Variants in SYCP2L observed in about 807,000 individuals in gnomAD.
The protein encoded by SYCP2L is synaptonemal complex protein 2-like.
Under a neutral mutation model 125.8 loss-of-function variants are expected in SYCP2L, and 98 were observed. The ratio of observed to expected loss-of-function variants is 0.78; its 90% CI spans 0.66 to 0.92. SYCP2L has a LOEUF of 0.92. SYCP2L is among the 40% of genes least tolerant of loss of function. The pLI is 0.00. For synonymous variants in SYCP2L, 317 were observed against 325.4 expected (o/e 0.97, Z 0.28); for missense variants, 842 against 936.4 (o/e 0.90, Z 1.32).
In SYCP2L at chr6:10,914,728, A is replaced by G. The variant is rs190699285; in HGVS notation, c.1072+1801A>G. On this transcript the variant is annotated intron_variant, in intron 14 of 29. Transcript: ENST00000283141. ...AGATCTTTCACCTCCTTGGTTAGGTATATCCCTAAGTTTTTTTTTTTTTTT... is the reference window on the plus strand; with the variant it reads ...AGATCTTTCACCTCCTTGGTTAGGTGTATCCCTAAGTTTTTTTTTTTTTTT... 3.2e-3 allele frequency among the ~76,000 whole-genome samples: 441 copies of G among 139,970 alleles called. 1 individual carries two copies. Among genetic ancestry groups the G allele is most frequent in the Non-Finnish European group, 5.0e-3 (330 of 66,088 alleles). 91.8% of individuals were successfully genotyped at this position (139,970 alleles called of 152,430 possible).
intron 29 of SYCP2L, among the ~76,000 whole-genome samples, chr6:10,966,925 A>G (rs991464275): frequency 1.3e-5 from 2 of 152,192 alleles, no homozygotes; most frequent in Non-Finnish European, 2.9e-5. Context: ...AGAAACAGCA[A>G]TATGTCAATA....
intron 15 of SYCP2L, among the ~76,000 whole-genome samples, chr6:10,925,453 C>T (rs982148252): frequency 3.3e-5 from 5 of 152,092 alleles, no homozygotes; most frequent in African/African-American, 1.2e-4. Flanking sequence ...CTGTGGTCTC[C>T]AACTCTCTCT....
chr6:10,963,786 A>G lies in SYCP2L; in HGVS notation c.2419A>G (p.Asn807Asp). The change falls in exon 29 of 30, where the codon AAT becomes GAT. Residue 807 changes from asparagine to aspartate, a missense_variant. Asn to Asp is a conservative substitution (Grantham distance 23, BLOSUM62 1). Coordinates refer to ENST00000283141, the MANE Select transcript of SYCP2L (RefSeq NM_001040274.3). ...SFCDLQVLRF[N>D]STQTS ...AGATGGACCAATTTCTTCCAGGTTC[A>G]ATTCAACTCAGACTTCATAAGAAAG... 1.2e-6 allele frequency: 2 copies of G among 1,613,882 alleles called. No individual in the cohort carries two copies. Among genetic ancestry groups the G allele is most frequent in the Non-Finnish European group, 1.7e-6 (2 of 1,179,832 alleles).
rs960146956 is a variant in SYCP2L, at chr6:10,927,240, A to C, written c.1313A>C (p.Glu438Ala). Residue 438 changes from glutamate to alanine, a missense_variant and splice_region_variant, in exon 17 of 30, where the codon GAG becomes GCG. By Grantham distance (107) the Glu-to-Ala change is moderately radical. Coordinates refer to ENST00000283141, the MANE Select transcript of SYCP2L (RefSeq NM_001040274.3). The part of the protein sequence containing the change: ...ESPSGLERET[E>A]QAEESTNMVE... ...TTAGTCTTTTTCTTAATTTGTATAG[A>C]GCAGGCAGAAGAATCCACTAACATG... The C allele has an allele frequency of 5.6e-6, 9 of 1,614,008 alleles. No homozygotes were observed. The highest frequency in any genetic ancestry group is 7.6e-6 in the Non-Finnish European group (9 of 1,180,008).
intron 21 of SYCP2L, among the ~76,000 whole-genome samples, chr6:10,939,905 A>C (rs1008731683): frequency 1.3e-5 from 2 of 151,992 alleles, no homozygotes; most frequent in Non-Finnish European, 2.9e-5. Flanking sequence ...AAATGGAAAG[A>C]CAACCTAAAG....
intron 21 of SYCP2L, among the ~76,000 whole-genome samples, chr6:10,940,878 G>A (rs533310142): frequency 2.7e-4 from 41 of 152,264 alleles, no homozygotes; most frequent in African/African-American, 9.6e-4. Flanking sequence ...CTAAGGGAGA[G>A]AAGAATCACA....
chr6:10,957,392 T>A (rs535375296), intron 25 of SYCP2L, among the ~76,000 whole-genome samples: 1 of 152,364 alleles, frequency 6.6e-6, no homozygotes, highest in South Asian at 2.1e-4. Flanking sequence ...AGTGGACCTA[T>A]GTGTAAATCA....
chr6:10,935,090 A>G lies in SYCP2L; in HGVS notation c.1716A>G (p.Ile572Met). 1 of 1,612,022 alleles carries G rather than the reference A, an allele frequency of 6.2e-7. No individual in the cohort carries two copies. The highest frequency in any genetic ancestry group is 1.1e-5 in the South Asian group (1 of 90,228). Reference sequence around the variant, plus strand: ...TTCTATCACCATCAGAGAAAGAAATACCCGAGCAAAATAACACCACATCTC... The same window carrying G: ...TTCTATCACCATCAGAGAAAGAAATGCCCGAGCAAAATAACACCACATCTC... ...AKLLSPSEKE[I>M]PEQNNTTSPK... Residue 572 changes from isoleucine to methionine, a missense_variant, in exon 21 of 30, where the codon ATA (isoleucine) becomes ATG (methionine). Transcript: ENST00000283141.
intron 8 of SYCP2L, among the ~76,000 whole-genome samples, chr6:10,903,496 C>T (rs780918005): frequency 5.3e-5 from 8 of 151,752 alleles, no homozygotes; most frequent in Admixed American, 3.3e-4. Flanking sequence ...TGCAGTGAGC[C>T]GAGATCGCGC....
intron 25 of SYCP2L, among the ~76,000 whole-genome samples, chr6:10,956,924 T>C (rs1781510707): frequency 6.6e-6 from 1 of 152,226 alleles, no homozygotes; most frequent in Non-Finnish European, 1.5e-5. Context: ...ACTCTTGGGC[T>C]CAAGTGATCC....
At chr6:10,936,028 A>G (rs1178284022) in intron 21 of SYCP2L, among the ~76,000 whole-genome samples, 2 of 147,502 alleles carry the variant, frequency 1.4e-5, no homozygotes, top group African/African-American at 5.0e-5. Context: ...TTTGTTAATA[A>G]TATGATTTTA....
At chr6:10,923,440 C>CAGTG (rs1780836883) in intron 14 of SYCP2L, among the ~76,000 whole-genome samples, 1 of 129,208 alleles carries the variant, frequency 7.7e-6, no homozygotes, top group Admixed American at 9.9e-5. Flanking sequence ...GGCTGGAGTG[C>CAGTG]AGTGGCATGA....
intron 1 of SYCP2L, among the ~76,000 whole-genome samples, chr6:10,889,505 A>G (rs1031897592): frequency 6.6e-6 from 1 of 152,132 alleles, no homozygotes; most frequent in African/African-American, 2.4e-5. Context: ...ATCTTACTCT[A>G]GAACTTACTC....
chr6:10,931,990 C>CTTTTT lies in SYCP2L; in HGVS notation c.1683+514_1683+518dup, dbSNP rs70991076. ...AAAAAAAAAAAAAAAGATTGAGGGT[C>CTTTTT]TTTTTTTTTTTTTTTTTAACTGTTC... On this transcript the variant is annotated intron_variant, in intron 20 of 29. Transcript: ENST00000283141. Among the ~76,000 whole-genome samples, 11 of 116,450 alleles carry CTTTTT rather than the reference C, an allele frequency of 9.4e-5. No homozygotes were observed. In the East Asian group the frequency reaches 1.9e-3, roughly 20 times the overall value. 76.4% of individuals were successfully genotyped at this position (116,450 alleles called of 152,430 possible). A position where few individuals can be genotyped will look rare whatever the true frequency, so the allele number is the denominator to read the frequency against.
At chr6:10,972,338 C>T (rs958606860) in intron 29 of SYCP2L, among the ~76,000 whole-genome samples, 2 of 152,054 alleles carry the variant, frequency 1.3e-5, no homozygotes, top group Admixed American at 6.5e-5. Context: ...TGGAATAATT[C>T]CCAGCTCCAA....
intron 1 of SYCP2L, among the ~76,000 whole-genome samples, chr6:10,889,828 C>T (rs1422599032): frequency 6.6e-6 from 1 of 152,020 alleles, no homozygotes; most frequent in Non-Finnish European, 1.5e-5. Context: ...TCATGTTGGC[C>T]AGGCTGGTCT....
intron 23 of SYCP2L, among the ~76,000 whole-genome samples, chr6:10,945,004 G>A (rs557414876): frequency 1.9e-3 from 288 of 152,236 alleles, no homozygotes; most frequent in Middle Eastern, 6.8e-3. Context: ...ATGAGCCACC[G>A]TGCCCGGCCT....
chr6:10,887,226 T>C, intron 1 of SYCP2L, 91 bp downstream of exon 1: 1 of 1,562,418 alleles, frequency 6.4e-7, no homozygotes, highest in Admixed American at 1.7e-5. Flanking sequence ...TCTGCCGCCT[T>C]GAGGTGTTCG....
intron 6 of SYCP2L, among the ~76,000 whole-genome samples, chr6:10,901,479 C>T (rs1780376053): frequency 6.6e-6 from 1 of 152,300 alleles, no homozygotes; most frequent in South Asian, 2.1e-4. Flanking sequence ...CTTACTTTAG[C>T]TCAGGAAAAT....
Sources: gnomAD v4.1 joint callset for allele counts (sites outside exome capture counted in the v4.1 genomes callset) on GRCh38, gnomAD v4.1.1 for gene constraint, MANE v1.5 for transcripts, NCBI Gene and HGNC (gene_info 2026-07-23, HGNC 2026-07-21) for gene names.